The following NDST4 variants were observed in gnomAD, a reference collection of about 807,000 sequenced individuals.
The protein encoded by NDST4 is N-deacetylase and N-sulfotransferase 4.
In NDST4, 63 loss-of-function variants were observed where a neutral mutation model predicts 100.8. That is an observed-to-expected ratio of 0.62 (90% confidence interval 0.51 to 0.77). NDST4 has a LOEUF of 0.77. Ranked by LOEUF, NDST4 falls within the 30% of genes least tolerant of loss-of-function variation. The pLI, the probability that NDST4 is intolerant of heterozygous loss-of-function variation, is 0.00. For missense variants in NDST4, 943 were observed against 1,018.4 expected, an observed-to-expected ratio of 0.93 and a Z score of 1.01; for synonymous variants, 377 against 361.8, an observed-to-expected ratio of 1.04 and a Z score of -0.48.
intron 2 of NDST4, among the ~76,000 whole-genome samples, chr4:114,990,055 G>A (rs1727003878): frequency 6.6e-6 from 1 of 151,928 alleles, no homozygotes; most frequent in African/African-American, 2.4e-5. Context: ...GCGTTTTCAT[G>A]AGAGCTCAAG....
chr4:115,026,937 AAAG>A (rs1409573155), intron 2 of NDST4, among the ~76,000 whole-genome samples: 35 of 152,268 alleles, frequency 2.3e-4, no homozygotes, highest in African/African-American at 7.7e-4. Flanking sequence ...GCATTTGAAG[AAAG>A]AAGAATGATG....
chr4:114,946,591 T>C (rs554819605), intron 4 of NDST4, among the ~76,000 whole-genome samples: 364 of 152,156 alleles, frequency 2.4e-3, no homozygotes, highest in Non-Finnish European at 3.8e-3. Context: ...AGATGAAGCC[T>C]GGTCATTTCT....
chr4:115,088,586 G>A (rs182968929), intron 1 of NDST4, among the ~76,000 whole-genome samples: 16 of 151,890 alleles, frequency 1.1e-4, no homozygotes, highest in African/African-American at 3.9e-4. Flanking sequence ...GTATCATTTT[G>A]TTAAGAAGTT....
chr4:115,051,666 G>A (rs972399498), intron 2 of NDST4, among the ~76,000 whole-genome samples: 1 of 151,986 alleles, frequency 6.6e-6, no homozygotes, highest in Non-Finnish European at 1.5e-5. Context: ...TTCATCTGTT[G>A]GTAAGAACTT....
chr4:115,040,848 G>A (rs1728333866), intron 2 of NDST4, among the ~76,000 whole-genome samples: 1 of 151,778 alleles, frequency 6.6e-6, no homozygotes, highest in African/African-American at 2.4e-5. Context: ...TTATCTATAT[G>A]TGCATATATA....
chr4:114,969,321 GAAA>G (rs70964334), intron 4 of NDST4, among the ~76,000 whole-genome samples: 2,487 of 90,624 alleles, frequency 0.027, 49 homozygotes, highest in African/African-American at 0.088. Flanking sequence ...CTCAAAAAAA[GAAA>G]AAAAAAAAAA....
chr4:114,987,797 A>G (rs1726945735), intron 2 of NDST4, among the ~76,000 whole-genome samples: 1 of 151,984 alleles, frequency 6.6e-6, no homozygotes. Flanking sequence ...AGAAACACCC[A>G]CCTCCACTTG....
intron 6 of NDST4, among the ~76,000 whole-genome samples, chr4:114,906,633 C>G (rs1724954161): frequency 6.6e-6 from 1 of 151,870 alleles, no homozygotes; most frequent in Non-Finnish European, 1.5e-5. Context: ...ATCTTTTTTA[C>G]CTCTCTGGTT....
At chr4:114,880,498 G>A (rs760956094) in intron 6 of NDST4, among the ~76,000 whole-genome samples, 1 of 152,106 alleles carries the variant, frequency 6.6e-6, no homozygotes, top group Non-Finnish European at 1.5e-5. Flanking sequence ...GTTCAGCCAT[G>A]GGGAGGAGAA....
At chr4:114,836,533 C>T (rs916385574) in intron 11 of NDST4, among the ~76,000 whole-genome samples, 2 of 152,186 alleles carry the variant, frequency 1.3e-5, no homozygotes, top group South Asian at 2.1e-4. Flanking sequence ...ACCTTTCTCT[C>T]TGGCTGCCCT....
chr4:114,975,446 G>C (rs1234107683), intron 3 of NDST4, among the ~76,000 whole-genome samples: 1 of 152,044 alleles, frequency 6.6e-6, no homozygotes, highest in East Asian at 1.9e-4. Flanking sequence ...CTGCTTAAAA[G>C]ATATAATTAA....
At chr4:114,974,474 A>C (rs1726586214) in intron 3 of NDST4, among the ~76,000 whole-genome samples, 1 of 152,148 alleles carries the variant, frequency 6.6e-6, no homozygotes, top group Admixed American at 6.6e-5. Flanking sequence ...ATTTAATTCC[A>C]AGGAACAGCA....
chr4:115,017,892 A>C (rs1393498275), intron 2 of NDST4, among the ~76,000 whole-genome samples: 1 of 151,966 alleles, frequency 6.6e-6, no homozygotes, highest in Non-Finnish European at 1.5e-5. Flanking sequence ...GAGAAAGTAT[A>C]TCTGGTTAGA....
At chr4:115,015,074 G>T (rs1727645674) in intron 2 of NDST4, among the ~76,000 whole-genome samples, 1 of 152,220 alleles carries the variant, frequency 6.6e-6, no homozygotes, top group Non-Finnish European at 1.5e-5. Context: ...AATCCCAGCA[G>T]CGCTCCACTG....
intron 4 of NDST4, among the ~76,000 whole-genome samples, chr4:114,965,431 T>G (rs1726358992): frequency 6.6e-6 from 1 of 152,082 alleles, no homozygotes; most frequent in Admixed American, 6.6e-5. Flanking sequence ...AATTTAAATG[T>G]CAGCATTTTT....
chr4:114,839,070 G>A (rs1255159796), intron 11 of NDST4, among the ~76,000 whole-genome samples: 1 of 152,132 alleles, frequency 6.6e-6, no homozygotes, highest in Admixed American at 6.5e-5. Context: ...GATGTCTCCT[G>A]TATGAGAACT....
At chr4:115,012,697 C>G (rs1727578459) in intron 2 of NDST4, among the ~76,000 whole-genome samples, 1 of 151,520 alleles carries the variant, frequency 6.6e-6, no homozygotes, top group South Asian at 2.1e-4. Flanking sequence ...GGGTGTATAT[C>G]CAAAAGAAAG....
At chr4:114,905,274 G>A (rs1339872403) in intron 6 of NDST4, among the ~76,000 whole-genome samples, 1 of 146,822 alleles carries the variant, frequency 6.8e-6, no homozygotes, top group Non-Finnish European at 1.5e-5. Flanking sequence ...AAGCTTAAGT[G>A]GCTTATCCAT....
At chr4:115,048,701 G>T (rs983179767) in intron 2 of NDST4, among the ~76,000 whole-genome samples, 1 of 152,010 alleles carries the variant, frequency 6.6e-6, no homozygotes, top group Non-Finnish European at 1.5e-5. Flanking sequence ...GCAGGGGCAT[G>T]ATCTGGGCTC....
Sources: gnomAD v4.1 joint callset for allele counts (sites outside exome capture counted in the v4.1 genomes callset) on GRCh38, gnomAD v4.1.1 for gene constraint, MANE v1.5 for transcripts, NCBI Gene and HGNC (gene_info 2026-07-23, HGNC 2026-07-21) for gene names.